RBL2: variants seen among roughly 807,000 people sequenced by gnomAD.
RBL2 encodes the protein RB transcriptional corepressor like 2.
RBL2 carries 56 observed loss-of-function variants against 126.0 expected under a neutral mutation model. The ratio of observed to expected loss-of-function variants is 0.44; its 90% CI spans 0.36 to 0.56. RBL2 has a LOEUF of 0.56. RBL2 is among the 20% of genes least tolerant of loss of function. The probability of loss-of-function intolerance (pLI) is 0.00; values close to 1 mark genes in which losing one functional copy is unlikely to be tolerated. For synonymous variants in RBL2, 454 were observed against 478.5 expected (o/e 0.95, Z 0.67); for missense variants, 1,229 against 1,398.2 (o/e 0.88, Z 1.93).
At chr16:53,475,306 C>T (rs1390698454) in intron 17 of RBL2, among the ~76,000 whole-genome samples, 1 of 152,196 alleles carries the variant, frequency 6.6e-6, no homozygotes, top group African/African-American at 2.4e-5. Flanking sequence ...ACCTTAGCCT[C>T]CTGGTTTCCA....
chr16:53,446,900 G>T, intron 3 of RBL2, 142 bp from the exon 4 acceptor site: 1 of 436,402 alleles, frequency 2.3e-6, no homozygotes, highest in Non-Finnish European at 4.1e-6. Flanking sequence ...AAGGCAGAAC[G>T]TCCACGTTTT....
At chr16:53,439,261 G>A in intron 2 of RBL2, 115 bp downstream of exon 2, 1 of 947,418 alleles carries the variant, frequency 1.1e-6, no homozygotes, top group Non-Finnish European at 1.4e-6. Context: ...CTGTGGACTG[G>A]TGAAATTAGA....
At chr16:53,439,242 C>A in intron 2 of RBL2, 96 bp downstream of exon 2, 1 of 1,169,432 alleles carries the variant, frequency 8.6e-7, no homozygotes, top group Non-Finnish European at 1.1e-6. Flanking sequence ...ATTTTCTGAG[C>A]ATTTGTACCT....
At chr16:53,473,671 TC>T (rs978324991) in intron 17 of RBL2, among the ~76,000 whole-genome samples, 2 of 151,998 alleles carry the variant, frequency 1.3e-5, no homozygotes, top group African/African-American at 4.8e-5. Flanking sequence ...TGCTAGAACT[TC>T]CAGTATAGTT....
Position 53,461,866 on chromosome 16 carries a change from G to T in RBL2, c.1456+16G>T. ...TGTGCTAAAGGTAAGGTTTAACATT[G>T]TTATTCTGCTTTTATGTTTGAAGTT... On this transcript the variant is annotated intron_variant, in intron 10 of 21. Coordinates refer to ENST00000262133, the MANE Select transcript of RBL2 (RefSeq NM_005611.4). 6.3e-7 allele frequency: 1 copy of T among 1,575,376 alleles called. No individual in the cohort carries two copies. Among genetic ancestry groups the T allele is most frequent in the South Asian group, 1.1e-5 (1 of 90,088 alleles).
chr16:53,434,797 G>A lies in RBL2; in HGVS notation c.240+1G>A. On this transcript the variant is annotated splice_donor_variant, in intron 1 of 21. Transcript: ENST00000262133. LOFTEE classifies it high-confidence loss of function. Reference sequence around the variant, plus strand: ...CATGAGCGAAAGCTACACGCTGGAGGTGCGCTCGCGGGCGGAGGGGCGCTT... The same window carrying A: ...CATGAGCGAAAGCTACACGCTGGAGATGCGCTCGCGGGCGGAGGGGCGCTT... The A allele has an allele frequency of 6.7e-7, 1 of 1,491,794 alleles. No homozygotes were observed. The highest frequency in any genetic ancestry group is 8.9e-7 in the Non-Finnish European group (1 of 1,118,822). The allele number at this position is 1,491,794 out of a possible 1,614,324, so 92.4% of individuals were successfully genotyped here.
chr16:53,438,443 G>C (rs1315759069), intron 1 of RBL2, among the ~76,000 whole-genome samples: 1 of 152,156 alleles, frequency 6.6e-6, no homozygotes, highest in Non-Finnish European at 1.5e-5. Flanking sequence ...TGCAATTATT[G>C]ATAGAGACAG....
Position 53,481,805 on chromosome 16 carries a change from T to C in RBL2, c.3219T>C (p.Ile1073=), listed in dbSNP as rs764794933. ...CAATGCTTTCTCCTCGAGAAAAGATTTTCTATTACTTCAGCAACAGTCCTT... is the reference window on the plus strand; with the variant it reads ...CAATGCTTTCTCCTCGAGAAAAGATCTTCTATTACTTCAGCAACAGTCCTT... The part of the protein sequence containing the change: ...NETMLSPREK[I]FYYFSNSPSK... Residue 1073 remains isoleucine, a synonymous_variant, in exon 21 of 22, where the codon ATT becomes ATC. Transcript: ENST00000262133. 1.9e-6 allele frequency: 3 copies of C among 1,590,172 alleles called. No homozygotes were observed. The highest frequency in any genetic ancestry group is 2.6e-6 in the Non-Finnish European group (3 of 1,158,320).
rs188390499 is a variant in RBL2, at chr16:53,463,235, A to G, written c.1560+580A>G. Among the ~76,000 whole-genome samples, 4 of 152,302 alleles carry G rather than the reference A, an allele frequency of 2.6e-5. No individual in the cohort carries two copies. In the East Asian group the frequency reaches 7.7e-4, roughly 29 times the overall value. On this transcript the variant is annotated intron_variant, in intron 11 of 21. Transcript: ENST00000262133. ...ATTATAAGCAAAAAGAACAAAATAA[A>G]AATCATCTATGATTAATGTCATCCT...
chr16:53,454,655 G>A lies in RBL2; in HGVS notation c.993-1G>A. 1 of 1,605,886 alleles carries A rather than the reference G, an allele frequency of 6.2e-7. No individual in the cohort carries two copies. The highest frequency in any genetic ancestry group is 8.5e-7 in the Non-Finnish European group (1 of 1,174,234). On this transcript the variant is annotated splice_acceptor_variant, in intron 7 of 21. Transcript: ENST00000262133. LOFTEE classifies it high-confidence loss of function. The stretch of plus-strand genomic sequence containing the variant: ...TTTGTCTGTATTTGTTTTTCCTATA[G>A]TAAAGCCATCAATAAGGCCTATGAG...
chr16:53,449,106 G>A (rs1340353379), intron 4 of RBL2: 4 of 152,098 alleles, frequency 2.6e-5, no homozygotes, highest in East Asian at 3.9e-4. Flanking sequence ...TGAAATAAAG[G>A]TTTTGGAGTA....
At chr16:53,487,579 A>G (rs1961224589) in intron 21 of RBL2, 1 of 152,254 alleles carries the variant, frequency 6.6e-6, no homozygotes, top group Admixed American at 6.5e-5. Flanking sequence ...ATCTCAAACT[A>G]CAAAACCTCT....
At chr16:53,463,527 C>T (rs981455853) in intron 11 of RBL2, among the ~76,000 whole-genome samples, 1 of 150,314 alleles carries the variant, frequency 6.7e-6, no homozygotes, top group Non-Finnish European at 1.5e-5. Flanking sequence ...CAGGTATGAG[C>T]CACCTGCCTG....
chr16:53,470,277 A>G, intron 15 of RBL2, 92 bp downstream of exon 15: 1 of 1,560,674 alleles, frequency 6.4e-7, no homozygotes. Flanking sequence ...TAGGGGACAG[A>G]GGAGTGATGG....
At chr16:53,470,210 G>C in intron 15 of RBL2, 25 bp downstream of exon 15, 1 of 1,586,336 alleles carries the variant, frequency 6.3e-7, no homozygotes, top group South Asian at 1.1e-5. Context: ...GTTGGATATT[G>C]AGTTCCTTCT....
Position 53,461,823 on chromosome 16 carries a change from G to C in RBL2, c.1429G>C (p.Asp477His), listed in dbSNP as rs1218001407. ...FEIYSQHFQP[D>H]EDFSNCAKEI... ...AATATATTCTCAGCATTTCCAGCCA[G>C]ACGAGGATTTCAGTAATTGTGCTAA... Residue 477 changes from aspartate to histidine, a missense_variant, in exon 10 of 22, where the codon GAC becomes CAC. By Grantham distance (81) the Asp-to-His change is moderately conservative. Transcript: ENST00000262133. 6.2e-7 allele frequency: 1 copy of C among 1,612,698 alleles called. No individual in the cohort carries two copies. Among genetic ancestry groups the C allele is most frequent in the South Asian group, 1.1e-5 (1 of 91,022 alleles).
At chr16:53,445,370 C>T (rs946129932) in intron 3 of RBL2, among the ~76,000 whole-genome samples, 5 of 150,824 alleles carry the variant, frequency 3.3e-5, no homozygotes, top group African/African-American at 4.9e-5. Flanking sequence ...AGAGATTTTA[C>T]ATTTTAATCA....
At chr16:53,483,479 G>A (rs375411339) in intron 21 of RBL2, among the ~76,000 whole-genome samples, 44 of 152,198 alleles carry the variant, frequency 2.9e-4, no homozygotes, top group African/African-American at 7.9e-4. Context: ...TCAAGGCTGC[G>A]GTGAGCTATG....
intron 17 of RBL2, among the ~76,000 whole-genome samples, chr16:53,478,543 T>TA (rs1960815203): frequency 1.3e-5 from 1 of 78,012 alleles, no homozygotes; most frequent in Non-Finnish European, 2.3e-5. Flanking sequence ...TGTTTGCTAA[T>TA]CCTTTTTTTT....
Sources: gnomAD v4.1 joint callset for allele counts (sites outside exome capture counted in the v4.1 genomes callset) on GRCh38, gnomAD v4.1.1 for gene constraint, MANE v1.5 for transcripts, NCBI Gene and HGNC (gene_info 2026-07-23, HGNC 2026-07-21) for gene names.